Variants in DIAPH2 observed in about 807,000 individuals in gnomAD.
DIAPH2 encodes protein diaphanous homolog 2.
Under a neutral mutation model 92.7 loss-of-function variants are expected in DIAPH2, and 35 were observed. The ratio of observed to expected loss-of-function variants is 0.38; its 90% CI spans 0.29 to 0.50. The LOEUF is 0.50. Ranked by LOEUF, DIAPH2 falls within the 20% of genes least tolerant of loss-of-function variation. The pLI, the probability that DIAPH2 is intolerant of heterozygous loss-of-function variation, is 0.94. For missense variants in DIAPH2, 701 were observed against 819.5 expected, an observed-to-expected ratio of 0.86 and a Z score of 1.77; for synonymous variants, 301 against 280.4, an observed-to-expected ratio of 1.07 and a Z score of -0.73.
intron 4 of DIAPH2, among the ~76,000 whole-genome samples, chrX:96,825,201 T>C (rs182013080): frequency 1.4e-4 from 15 of 107,892 alleles, no homozygotes; most frequent in African/African-American, 4.0e-4. Flanking sequence ...AGTGATCCAC[T>C]GGCCTCGGCC....
intron 23 of DIAPH2, among the ~76,000 whole-genome samples, chrX:97,334,462 C>CAA (rs757170646): frequency 3.1e-5 from 1 of 32,635 alleles, no homozygotes; most frequent in Non-Finnish European, 5.3e-5. Context: ...GACTCCGTCT[C>CAA]AAAAAAAAAA....
rs895264724 is a variant in DIAPH2, at chrX:96,941,394, G to A, written c.1326-624G>A. Among the ~76,000 whole-genome samples the A allele has an allele frequency of 6.2e-5, 7 of 112,026 alleles. 1 individual carries two copies. The highest frequency in any genetic ancestry group is 1.3e-4 in the Non-Finnish European group (7 of 53,098). On this transcript the variant is annotated intron_variant, in intron 12 of 26. Transcript: ENST00000324765. ...CTGATGGATTACAGAATTAGGATAT[G>A]TTTTAAAACCTCTGACACTTTAAAC...
chrX:96,949,654 T>C (rs1602655791), intron 15 of DIAPH2, among the ~76,000 whole-genome samples: 1 of 78,905 alleles, frequency 1.3e-5, no homozygotes, highest in African/African-American at 5.2e-5. Flanking sequence ...CCATCCTGAC[T>C]AACAGTGTGA....
At chrX:97,350,984 C>T (rs1270598792) in intron 24 of DIAPH2, among the ~76,000 whole-genome samples, 2 of 112,185 alleles carry the variant, frequency 1.8e-5, no homozygotes, top group Non-Finnish European at 3.8e-5. Flanking sequence ...AACAAGTAAT[C>T]AGATCCTAAA....
chrX:97,594,191 A>ATATG (rs1332368320), intron 26 of DIAPH2, among the ~76,000 whole-genome samples: 1 of 109,391 alleles, frequency 9.1e-6, no homozygotes, highest in Admixed American at 9.8e-5. Context: ...CAGTATATAT[A>ATATG]TATATATACG....
intron 26 of DIAPH2, among the ~76,000 whole-genome samples, chrX:97,462,802 G>A (rs766191439): frequency 5.5e-5 from 6 of 109,923 alleles, no homozygotes; most frequent in Non-Finnish European, 1.1e-4. Flanking sequence ...AGAGAGAAAT[G>A]AGAGTATTGT....
At chrX:97,487,500 TCCTGACCTCGTGATCCGCCTGC>T (rs1407850895) in intron 26 of DIAPH2, among the ~76,000 whole-genome samples, 4 of 111,225 alleles carry the variant, frequency 3.6e-5, no homozygotes, top group Non-Finnish European at 7.5e-5. Flanking sequence ...GGTCTTGATC[TCCTGACCTCGTGATCCGCCTGC>T]CTTGACCTCC....
At chrX:97,125,471 CAAAAAAA>C (rs1159049051) in intron 21 of DIAPH2, among the ~76,000 whole-genome samples, 41 of 19,203 alleles carry the variant, frequency 2.1e-3, no homozygotes, top group Non-Finnish European at 7.3e-3. Flanking sequence ...GACTCCGTCT[CAAAAAAA>C]AAAAAAAAAA....
At chrX:97,371,117 G>A in intron 24 of DIAPH2, among the ~76,000 whole-genome samples, 1 of 111,811 alleles carries the variant, frequency 8.9e-6, no homozygotes, top group Middle Eastern at 4.6e-3. Flanking sequence ...GGATGGAGAA[G>A]TCTATAATTT....
intron 1 of DIAPH2, among the ~76,000 whole-genome samples, chrX:96,722,896 G>A (rs2063997596): frequency 9.0e-6 from 1 of 111,473 alleles, no homozygotes; most frequent in Non-Finnish European, 1.9e-5. Context: ...TAACTTTTAA[G>A]TTTTAAAACT....
At chrX:97,225,546 CTAATTA>C (rs1474930752) in intron 22 of DIAPH2, among the ~76,000 whole-genome samples, 1 of 111,671 alleles carries the variant, frequency 9.0e-6, no homozygotes, top group Non-Finnish European at 1.9e-5. Flanking sequence ...GCGTGATTTT[CTAATTA>C]TATTTATTAG....
At chrX:97,136,419 C>T (rs974779598) in intron 21 of DIAPH2, among the ~76,000 whole-genome samples, 4 of 111,710 alleles carry the variant, frequency 3.6e-5, no homozygotes, top group African/African-American at 1.3e-4. Context: ...GGTCAAGGTT[C>T]GGACCTGGTT....
chrX:97,512,244 G>A (rs2070901942), intron 26 of DIAPH2, among the ~76,000 whole-genome samples: 1 of 113,581 alleles, frequency 8.8e-6, no homozygotes, highest in East Asian at 2.7e-4. Flanking sequence ...TTGGGAGGGT[G>A]TATATGTCAA....
At chrX:96,844,126 A>G (rs1042600023) in intron 4 of DIAPH2, among the ~76,000 whole-genome samples, 19 of 112,417 alleles carry the variant, frequency 1.7e-4, no homozygotes, top group African/African-American at 6.1e-4. Context: ...TCCCCAATGC[A>G]CATACTCTTT....
At chrX:97,471,012 T>G (rs2070557832) in intron 26 of DIAPH2, among the ~76,000 whole-genome samples, 1 of 112,145 alleles carries the variant, frequency 8.9e-6, no homozygotes, top group African/African-American at 3.2e-5. Context: ...TAATATTTCT[T>G]AACTATTGTA....
At chrX:96,686,405 A>T (rs1156425666) in intron 1 of DIAPH2, among the ~76,000 whole-genome samples, 3 of 110,300 alleles carry the variant, frequency 2.7e-5, no homozygotes, top group Non-Finnish European at 5.7e-5. Context: ...AAAAAAAAAC[A>T]CTTATCTCTG....
chrX:96,983,625 A>G (rs1289128546), intron 17 of DIAPH2, among the ~76,000 whole-genome samples: 1 of 111,609 alleles, frequency 9.0e-6, no homozygotes, highest in Non-Finnish European at 1.9e-5. Flanking sequence ...GCAAGTCAAT[A>G]AGTTGTTGAT....
rs140886760 is a variant in DIAPH2, at chrX:97,180,990, T to C, written c.2719+39196T>C. On this transcript the variant is annotated intron_variant, in intron 22 of 26. Coordinates refer to ENST00000324765, the MANE Select transcript of DIAPH2 (RefSeq NM_006729.5). The stretch of plus-strand genomic sequence containing the variant: ...TTAGGATTGTCTTAGCTATATGGGC[T>C]CTTTTTTGGTTCCATATGAAATTTA... Among the ~76,000 whole-genome samples the C allele has an allele frequency of 4.9e-3, 553 of 111,906 alleles. 20 individuals are homozygous for C. In the East Asian group the frequency reaches 0.11, roughly 23 times the overall value.
At chrX:97,343,218 G>A (rs981244923) in intron 23 of DIAPH2, among the ~76,000 whole-genome samples, 15 of 111,845 alleles carry the variant, frequency 1.3e-4, no homozygotes, top group African/African-American at 4.5e-4. Context: ...TTATGAAAGT[G>A]TGTGTCTCAG....
Sources: gnomAD v4.1 joint callset for allele counts (sites outside exome capture counted in the v4.1 genomes callset) on GRCh38, gnomAD v4.1.1 for gene constraint, MANE v1.5 for transcripts, NCBI Gene and HGNC (gene_info 2026-07-23, HGNC 2026-07-21) for gene names.